The following MTMR14 variants were observed in gnomAD, a reference collection of about 807,000 sequenced individuals.
The protein encoded by MTMR14 is phosphatidylinositol-3,5-bisphosphate 3-phosphatase MTMR14.
A neutral mutation model predicts 86.3 loss-of-function variants in MTMR14; 48 were observed. That is an observed-to-expected ratio of 0.56 (90% CI 0.44 to 0.71). The LOEUF is 0.71. Ranked by LOEUF, MTMR14 falls within the 30% of genes least tolerant of loss-of-function variation. MTMR14 has a pLI of 0.00. For missense variants in MTMR14, 780 were observed against 834.6 expected (o/e 0.93, Z 0.81); for synonymous variants, 366 against 326.1 (o/e 1.12, Z -1.32).
chr3:9,694,992 G>A (rs985949085), intron 17 of MTMR14, among the ~76,000 whole-genome samples: 2 of 152,182 alleles, frequency 1.3e-5, no homozygotes, highest in Admixed American at 1.3e-4. Flanking sequence ...GTTCAGCTCC[G>A]CCACCATCCA....
chr3:9,653,377 A>G (rs184451916), intron 1 of MTMR14, among the ~76,000 whole-genome samples: 8 of 151,968 alleles, frequency 5.3e-5, no homozygotes, highest in Admixed American at 2.0e-4. Flanking sequence ...GTCTCCCCCA[A>G]ATGCTCAATA....
chr3:9,698,998 G>T (rs970373535), intron 18 of MTMR14, among the ~76,000 whole-genome samples: 1 of 151,914 alleles, frequency 6.6e-6, no homozygotes, highest in Non-Finnish European at 1.5e-5. Context: ...GAGAAACCCC[G>T]TCTCTACTAA....
At chr3:9,651,901 G>A (rs1278388376) in intron 1 of MTMR14, among the ~76,000 whole-genome samples, 2 of 150,614 alleles carry the variant, frequency 1.3e-5, no homozygotes, top group African/African-American at 4.9e-5. Flanking sequence ...GCGTGATCTC[G>A]GCTCACTGCA....
rs187675974 is a variant in MTMR14, at chr3:9,689,042, G to T, written c.1393G>T (p.Val465Leu). The T allele has an allele frequency of 2.2e-5, 35 of 1,613,426 alleles. No homozygotes were observed. The highest frequency in any genetic ancestry group is 2.6e-5 in the Non-Finnish European group (31 of 1,180,046). ...GATGSFTYEA[V>L]ELVPAGAPTQ... is the part of the protein sequence containing the mutation. ...CACTGGGAGCTTCACCTATGAGGCC[G>T]TGGAGCTGGTCCCAGCAGGAGCGCC... Residue 465 changes from valine to leucine, a missense_variant, in exon 16 of 19, where the codon GTG becomes TTG. Transcript: ENST00000296003.
chr3:9,677,448 G>T lies in MTMR14; in HGVS notation c.822+61G>T. 2 of 1,441,798 alleles carry T rather than the reference G, an allele frequency of 1.4e-6. No homozygotes were observed. Among genetic ancestry groups the T allele is most frequent in the South Asian group, 2.3e-5 (2 of 87,376 alleles). The allele number at this position is 1,441,798 out of a possible 1,614,324, so 89.3% of individuals were successfully genotyped here. On this transcript the variant is annotated intron_variant, in intron 8 of 18. Coordinates refer to ENST00000296003, the MANE Select transcript of MTMR14 (RefSeq NM_001077525.3). The surrounding 1 kb of genome is among the most constrained non-coding windows in gnomAD (Gnocchi z 4.2). The stretch of plus-strand genomic sequence containing the variant: ...TCTCTTTGTAAAGGGAGGCCAAGGA[G>T]AACAACAAGCAGTCTTTGGGGAAAA...
intron 9 of MTMR14, among the ~76,000 whole-genome samples, chr3:9,679,445 G>A (rs2075688322): frequency 6.6e-6 from 1 of 152,148 alleles, no homozygotes; most frequent in African/African-American, 2.4e-5. Flanking sequence ...GGTCCCTTCC[G>A]GCACCATTTT....
At chr3:9,691,325 C>T (rs1460668197) in intron 17 of MTMR14, among the ~76,000 whole-genome samples, 1 of 152,220 alleles carries the variant, frequency 6.6e-6, no homozygotes, top group South Asian at 2.1e-4. Context: ...GACAGACAAG[C>T]CCATGTGCCG....
At chr3:9,684,730 G>C in intron 11 of MTMR14, 60 bp downstream of exon 11, 1 of 1,587,968 alleles carries the variant, frequency 6.3e-7, no homozygotes. Flanking sequence ...ATTGTCTCCA[G>C]ACAGAGGGTG....
chr3:9,650,523 G>A (rs2047218872), intron 1 of MTMR14: 2 of 364,204 alleles, frequency 5.5e-6, no homozygotes. Flanking sequence ...TGACCTCAGA[G>A]ATTACCGTGA....
intron 9 of MTMR14, among the ~76,000 whole-genome samples, chr3:9,681,175 A>G (rs189597450): frequency 1.3e-5 from 2 of 152,318 alleles, no homozygotes; most frequent in Admixed American, 1.3e-4. Context: ...TACTGAATGA[A>G]TGAATGAGTG....
rs1469317671 is a variant in MTMR14, at chr3:9,669,533, A to T, written c.554+41A>T. 1.1e-5 allele frequency: 17 copies of T among 1,595,748 alleles called. No homozygotes were observed. In the South Asian group the frequency reaches 1.8e-4, roughly 17 times the overall value. ...CTGTGGTCAGGGGCTTGTGTTGGGG[A>T]TGGGGTGTCTGGCCAGAGATGGCCA... On this transcript the variant is annotated intron_variant, in intron 5 of 18. Coordinates refer to ENST00000296003, the MANE Select transcript of MTMR14 (RefSeq NM_001077525.3).
At chr3:9,679,178 G>A (rs534669112) in intron 9 of MTMR14, among the ~76,000 whole-genome samples, 114 of 152,344 alleles carry the variant, frequency 7.5e-4, no homozygotes, top group Admixed American at 1.4e-3. Flanking sequence ...AACTGTTTGA[G>A]TGTATGAAGT....
At chr3:9,670,808 C>T (rs994998878) in intron 5 of MTMR14, among the ~76,000 whole-genome samples, 1 of 152,200 alleles carries the variant, frequency 6.6e-6, no homozygotes, top group Non-Finnish European at 1.5e-5. Flanking sequence ...TTTTCCATTT[C>T]CACCTGCAAA....
chr3:9,683,127 T>C, intron 9 of MTMR14, 51 bp from the exon 10 acceptor site: 1 of 1,557,172 alleles, frequency 6.4e-7, no homozygotes, highest in Non-Finnish European at 8.9e-7. Flanking sequence ...TTAAATACTT[T>C]AAATTCTAAA....
intron 6 of MTMR14, among the ~76,000 whole-genome samples, chr3:9,671,891 C>T (rs2048584033): frequency 6.6e-6 from 1 of 152,138 alleles, no homozygotes; most frequent in African/African-American, 2.4e-5. Flanking sequence ...ATAAGGCATA[C>T]TGAGGCTAAC....
At chr3:9,652,075 C>G (rs2047333776) in intron 1 of MTMR14, among the ~76,000 whole-genome samples, 1 of 152,094 alleles carries the variant, frequency 6.6e-6, no homozygotes, top group South Asian at 2.1e-4. Flanking sequence ...CGTGATCTGC[C>G]CGCCTTGGCC....
At chr3:9,691,837 G>A (rs1465142999) in intron 17 of MTMR14, among the ~76,000 whole-genome samples, 2 of 152,216 alleles carry the variant, frequency 1.3e-5, no homozygotes, top group Non-Finnish European at 2.9e-5. Flanking sequence ...GCTTGGCCAA[G>A]CTTGGGATAG....
rs1010173949 is a variant in MTMR14, at chr3:9,672,889, A to C, written c.751+131A>C. 9.2e-5 allele frequency: 78 copies of C among 851,874 alleles called. No individual in the cohort carries two copies. In the East Asian group the frequency reaches 1.9e-3, roughly 21 times the overall value. 52.8% of individuals were successfully genotyped at this position (851,874 alleles called of 1,614,324 possible). ...GAGGGTTTGTGTCAGGCAGTGTAGG[A>C]CATTTTGGTTCCCAGTCACAGGCCA... On this transcript the variant is annotated intron_variant, in intron 7 of 18. Transcript: ENST00000296003.
At chr3:9,672,563 A>T in intron 6 of MTMR14, 122 bp from the exon 7 acceptor site, 1 of 869,806 alleles carries the variant, frequency 1.1e-6, no homozygotes, top group Non-Finnish European at 1.9e-6. Context: ...GGGAATTATT[A>T]ACAATGAAGA....
Sources: gnomAD v4.1 joint callset for allele counts (sites outside exome capture counted in the v4.1 genomes callset) on GRCh38, gnomAD v4.1.1 for gene constraint, Gnocchi (gnomAD v3.1) non-coding constraint, MANE v1.5 for transcripts, NCBI Gene and HGNC (gene_info 2026-07-23, HGNC 2026-07-21) for gene names.